The following GALNT17 variants were observed in gnomAD, a reference collection of about 807,000 sequenced individuals.
GALNT17 encodes the protein UDP-GalNAc:polypeptide N-acetylgalactosaminyltransferase-like 3.
In GALNT17, 29 loss-of-function variants were observed where a neutral mutation model predicts 63.7. The ratio of observed to expected loss-of-function variants is 0.46; its 90% CI spans 0.34 to 0.62. GALNT17 has a LOEUF of 0.62. Ranked by LOEUF, GALNT17 falls within the 20% of genes least tolerant of loss-of-function variation. GALNT17 has a pLI of 0.01. For missense variants in GALNT17, 603 were observed against 799.6 expected (o/e 0.75, Z 2.97); for synonymous variants, 305 against 318.3 (o/e 0.96, Z 0.45).
At chr7:71,560,213 A>AAAAG (rs1562691120) in intron 5 of GALNT17, among the ~76,000 whole-genome samples, 1 of 149,742 alleles carries the variant, frequency 6.7e-6, no homozygotes, top group African/African-American at 2.5e-5. Flanking sequence ...AAAAAAAAAA[A>AAAAG]AAAGAAAGAA....
chr7:71,286,523 G>A (rs567678036), intron 1 of GALNT17, among the ~76,000 whole-genome samples: 1 of 152,204 alleles, frequency 6.6e-6, no homozygotes, highest in African/African-American at 2.4e-5. Context: ...TCGCAAATAA[G>A]GAAACACGCT....
Position 71,563,475 on chromosome 7 carries a change from A to G in GALNT17, c.963-7810A>G, listed in dbSNP as rs1403004905. Among the ~76,000 whole-genome samples, 4 of 152,344 alleles carry G rather than the reference A, an allele frequency of 2.6e-5. No individual in the cohort carries two copies. The East Asian group carries it at 7.7e-4, about 29-fold the overall frequency. On this transcript the variant is annotated intron_variant, in intron 5 of 10. Coordinates refer to ENST00000333538, the MANE Select transcript of GALNT17 (RefSeq NM_022479.3). Reference sequence around the variant, plus strand: ...GCCCCTCCCCAGTCAGAGGACAAGGACAGCTCCTCGTTTATCAGTCCAGGC... The same window carrying G: ...GCCCCTCCCCAGTCAGAGGACAAGGGCAGCTCCTCGTTTATCAGTCCAGGC...
At chr7:71,514,078 CTAGCAA>C (rs1188773123) in intron 5 of GALNT17, among the ~76,000 whole-genome samples, 1 of 152,158 alleles carries the variant, frequency 6.6e-6, no homozygotes, top group African/African-American at 2.4e-5. Flanking sequence ...ATCTGTAGTC[CTAGCAA>C]TTCAGGAGGC....
intron 5 of GALNT17, among the ~76,000 whole-genome samples, chr7:71,489,527 G>A (rs1787971649): frequency 6.6e-6 from 1 of 152,220 alleles, no homozygotes; most frequent in Non-Finnish European, 1.5e-5. Flanking sequence ...GTAAGGATTG[G>A]ATAAGAGATC....
At chr7:71,421,506 A>G (rs1281692299) in intron 5 of GALNT17, among the ~76,000 whole-genome samples, 1 of 152,172 alleles carries the variant, frequency 6.6e-6, no homozygotes, top group Admixed American at 6.5e-5. Flanking sequence ...ATACAAGATC[A>G]TATAGAAAAG....
At chr7:71,434,337 T>G (rs1220756251) in intron 5 of GALNT17, among the ~76,000 whole-genome samples, 1 of 152,160 alleles carries the variant, frequency 6.6e-6, no homozygotes, top group Non-Finnish European at 1.5e-5. Context: ...GGTGAAGGTT[T>G]AGCATCACAC....
intron 1 of GALNT17, among the ~76,000 whole-genome samples, chr7:71,148,839 T>C (rs761663790): frequency 2.1e-5 from 3 of 140,378 alleles, no homozygotes; most frequent in Non-Finnish European, 4.5e-5. Flanking sequence ...TTTGATGAAA[T>C]ACAGTAGTAT....
chr7:71,518,469 T>C (rs555970569), intron 5 of GALNT17, among the ~76,000 whole-genome samples: 33 of 152,304 alleles, frequency 2.2e-4, no homozygotes, highest in African/African-American at 6.5e-4. Flanking sequence ...CTGTGGTGTT[T>C]CTTAGAGTCC....
At chr7:71,350,530 C>T (rs188030625) in intron 2 of GALNT17, among the ~76,000 whole-genome samples, 5 of 151,908 alleles carry the variant, frequency 3.3e-5, no homozygotes, top group South Asian at 4.2e-4. Flanking sequence ...AATAGCAATA[C>T]GACAATAAAA....
At chr7:71,312,108 G>A (rs539424198) in intron 1 of GALNT17, among the ~76,000 whole-genome samples, 8 of 152,198 alleles carry the variant, frequency 5.3e-5, no homozygotes, top group Non-Finnish European at 8.8e-5. Context: ...AATAATCCAT[G>A]CCTTAATTTG....
intron 2 of GALNT17, among the ~76,000 whole-genome samples, chr7:71,355,113 C>G (rs549869172): frequency 6.6e-6 from 1 of 152,074 alleles, no homozygotes; most frequent in Non-Finnish European, 1.5e-5. Context: ...ATGTGGTCTA[C>G]TTTGTTAATT....
intron 1 of GALNT17, among the ~76,000 whole-genome samples, chr7:71,169,545 A>G (rs1788507493): frequency 2.6e-5 from 4 of 152,164 alleles, no homozygotes; most frequent in Non-Finnish European, 4.4e-5. Context: ...GGGTTTTTAT[A>G]TAGTTTGCTG....
At chr7:71,498,019 G>A (rs1010258043) in intron 5 of GALNT17, among the ~76,000 whole-genome samples, 1 of 152,204 alleles carries the variant, frequency 6.6e-6, no homozygotes, top group Non-Finnish European at 1.5e-5. Context: ...ATGCGTGTGG[G>A]ATCATGCCTT....
intron 1 of GALNT17, among the ~76,000 whole-genome samples, chr7:71,226,205 G>A (rs975962173): frequency 1.3e-5 from 2 of 152,222 alleles, no homozygotes; most frequent in African/African-American, 4.8e-5. Flanking sequence ...TTGGAACAAT[G>A]AATGAAGTGA....
intron 3 of GALNT17, among the ~76,000 whole-genome samples, chr7:71,400,770 C>A (rs867272274): frequency 6.6e-6 from 1 of 152,166 alleles, no homozygotes; most frequent in Non-Finnish European, 1.5e-5. Flanking sequence ...TTTGGAAACA[C>A]TGAAGCTGAA....
chr7:71,162,724 G>A (rs1156995333), intron 1 of GALNT17, among the ~76,000 whole-genome samples: 1 of 152,164 alleles, frequency 6.6e-6, no homozygotes, highest in Admixed American at 6.6e-5. Context: ...CAGTCTAGTG[G>A]AGGACACAGT....
intron 5 of GALNT17, among the ~76,000 whole-genome samples, chr7:71,508,949 T>C (rs1584013168): frequency 6.6e-6 from 1 of 152,306 alleles, no homozygotes; most frequent in African/African-American, 2.4e-5. Context: ...TGCGTGTGCA[T>C]GCCCGTTCCC....
At chr7:71,564,842 A>G (rs1052931079) in intron 5 of GALNT17, among the ~76,000 whole-genome samples, 1 of 152,164 alleles carries the variant, frequency 6.6e-6, no homozygotes, top group Non-Finnish European at 1.5e-5. Context: ...GGACTCAGAG[A>G]ACCCTGTCAT....
At chr7:71,485,918 T>TA (rs1787900443) in intron 5 of GALNT17, among the ~76,000 whole-genome samples, 1 of 152,212 alleles carries the variant, frequency 6.6e-6, no homozygotes, top group Non-Finnish European at 1.5e-5. Flanking sequence ...ATCTAATTGT[T>TA]ACGTTTCTCT....
Sources: gnomAD v4.1 joint callset for allele counts (sites outside exome capture counted in the v4.1 genomes callset) on GRCh38, gnomAD v4.1.1 for gene constraint, MANE v1.5 for transcripts, NCBI Gene and HGNC (gene_info 2026-07-23, HGNC 2026-07-21) for gene names.